The following SCD5 variants were observed in gnomAD, a reference collection of about 807,000 sequenced individuals.
The protein encoded by SCD5 is acyl-CoA-desaturase 4.
SCD5 carries 20 observed loss-of-function variants against 30.4 expected under a neutral mutation model. The observed-to-expected ratio is 0.66, with a 90% CI of 0.46 to 0.96. SCD5 has a LOEUF of 0.96. Ranked by LOEUF, SCD5 falls within the 40% of genes least tolerant of loss-of-function variation. The pLI, the probability that SCD5 is intolerant of heterozygous loss-of-function variation, is 0.00. For synonymous variants in SCD5, 173 were observed against 176.4 expected (o/e 0.98, Z 0.16); for missense variants, 381 against 443.3 (o/e 0.86, Z 1.26).
At chr4:82,702,072 T>C (rs1428235969) in intron 2 of SCD5, among the ~76,000 whole-genome samples, 2 of 148,762 alleles carry the variant, frequency 1.3e-5, no homozygotes, top group Admixed American at 6.8e-5. Flanking sequence ...AGCGTTCAGG[T>C]TCAGAGGGGA....
At chr4:82,713,900 C>T (rs573841005) in intron 1 of SCD5, among the ~76,000 whole-genome samples, 1 of 152,310 alleles carries the variant, frequency 6.6e-6, no homozygotes, top group South Asian at 2.1e-4. Context: ...CTTCTGATTT[C>T]AGTAAGAATA....
rs190404984 is a variant in SCD5, at chr4:82,778,096, C to T, written c.232+20210G>A. Among the ~76,000 whole-genome samples the T allele has an allele frequency of 3.9e-3, 601 of 152,172 alleles. 7 individuals are homozygous for T. Among genetic ancestry groups the T allele is most frequent in the African/African-American group, 0.014 (571 of 41,510 alleles). ...CATGGATGAAGCTGGAAGTTATTAC[C>T]CTCAGCAGACTAACACAGGAACAGA... On this transcript the variant is annotated intron_variant, in intron 1 of 4. Transcript: ENST00000319540.
chr4:82,781,142 T>A (rs1721862112), intron 1 of SCD5, among the ~76,000 whole-genome samples: 1 of 151,980 alleles, frequency 6.6e-6, no homozygotes, highest in South Asian at 2.1e-4. Context: ...GGGCCGGGCG[T>A]GGTGGCTCAT....
chr4:82,768,249 T>A (rs1721535996), intron 1 of SCD5, among the ~76,000 whole-genome samples: 1 of 152,218 alleles, frequency 6.6e-6, no homozygotes, highest in Non-Finnish European at 1.5e-5. Flanking sequence ...AAGGGACATT[T>A]GCTGGCTTAT....
At chr4:82,786,412 G>C (rs114836675) in intron 1 of SCD5, among the ~76,000 whole-genome samples, 9 of 152,254 alleles carry the variant, frequency 5.9e-5, no homozygotes, top group Non-Finnish European at 8.8e-5. Flanking sequence ...TAGTGATATA[G>C]GAAGAAAATA....
chr4:82,788,014 G>C (rs963782031), intron 1 of SCD5, among the ~76,000 whole-genome samples: 1 of 152,122 alleles, frequency 6.6e-6, no homozygotes, highest in African/African-American at 2.4e-5. Flanking sequence ...TCCAGCCTAG[G>C]AGACAGAACA....
intron 3 of SCD5, among the ~76,000 whole-genome samples, chr4:82,669,071 A>G (rs532278699): frequency 6.6e-6 from 1 of 152,264 alleles, no homozygotes; most frequent in African/African-American, 2.4e-5. Flanking sequence ...CCTACATAAA[A>G]CCATGATCAA....
At chr4:82,742,616 G>A (rs60935409) in intron 1 of SCD5, among the ~76,000 whole-genome samples, 13,171 of 152,102 alleles carry the variant, frequency 0.087, 947 homozygotes, top group African/African-American at 0.19. Flanking sequence ...GCAAAACTCC[G>A]TTTCTACTAA....
chr4:82,789,476 C>T (rs764735328), intron 1 of SCD5, among the ~76,000 whole-genome samples: 1 of 152,140 alleles, frequency 6.6e-6, no homozygotes, highest in East Asian at 1.9e-4. Context: ...TCCGTGGGGT[C>T]GGTGAGGTCT....
intron 1 of SCD5, among the ~76,000 whole-genome samples, chr4:82,735,222 T>C (rs1028061252): frequency 5.3e-5 from 8 of 152,202 alleles, no homozygotes; most frequent in Non-Finnish European, 8.8e-5. Context: ...TCCCCATGTC[T>C]GTATGGGTTT....
intron 3 of SCD5, among the ~76,000 whole-genome samples, chr4:82,678,584 T>C (rs1227023817): frequency 6.6e-6 from 1 of 152,190 alleles, no homozygotes; most frequent in Non-Finnish European, 1.5e-5. Context: ...ATGACATACA[T>C]AGCTGACCAC....
intron 1 of SCD5, among the ~76,000 whole-genome samples, chr4:82,790,160 T>A (rs1048135799): frequency 6.6e-6 from 1 of 152,088 alleles, no homozygotes; most frequent in Non-Finnish European, 1.5e-5. Context: ...CCTGAATAAC[T>A]TCACACATCC....
Position 82,631,523 on chromosome 4 carries a change from A to C in SCD5, c.803-6T>G, listed in dbSNP as rs1351551194. ...GTAATTATGGAAGCCTTCACCTGGA[A>C]GACAAAGCGGGCATTGATATAATTC... On this transcript the variant is annotated splice_polypyrimidine_tract_variant and splice_region_variant and intron_variant, in intron 4 of 4. Coordinates refer to ENST00000319540, the MANE Select transcript of SCD5 (RefSeq NM_001037582.3). 1 of 1,613,380 alleles carries C rather than the reference A, an allele frequency of 6.2e-7. No homozygotes were observed. Among genetic ancestry groups the C allele is most frequent in the Non-Finnish European group, 8.5e-7 (1 of 1,179,402 alleles).
At chr4:82,633,557 A>G (rs1282746571) in intron 4 of SCD5, among the ~76,000 whole-genome samples, 3 of 152,188 alleles carry the variant, frequency 2.0e-5, no homozygotes, top group Non-Finnish European at 4.4e-5. Flanking sequence ...AGCAACCTCC[A>G]TACTGTTTTC....
intron 4 of SCD5, 97 bp downstream of exon 4, chr4:82,636,494 C>CT: frequency 4.5e-6 from 4 of 885,930 alleles, no homozygotes; most frequent in Non-Finnish European, 7.1e-6. Flanking sequence ...CTCCATTCCA[C>CT]TCCACTGCTT....
intron 1 of SCD5, among the ~76,000 whole-genome samples, chr4:82,774,658 A>C (rs1721706031): frequency 6.6e-6 from 1 of 152,142 alleles, no homozygotes; most frequent in Non-Finnish European, 1.5e-5. Flanking sequence ...GAGAAAAGTG[A>C]CCTTCCCTCT....
In SCD5 at chr4:82,670,859, A is replaced by T. The variant is rs1167307613; in HGVS notation, c.569+9848T>A. 2.6e-5 allele frequency among the ~76,000 whole-genome samples: 4 copies of T among 152,052 alleles called. No homozygotes were observed. The East Asian group carries it at 7.7e-4, about 29-fold the overall frequency. ...ATATCAATTGATATGGCAAATATCAATTGGATGGAAATATCAATTTATTTC... is the reference window on the plus strand; with the variant it reads ...ATATCAATTGATATGGCAAATATCATTTGGATGGAAATATCAATTTATTTC... On this transcript the variant is annotated intron_variant, in intron 3 of 4. Transcript: ENST00000319540.
chr4:82,733,865 C>T (rs1470157511), intron 1 of SCD5, among the ~76,000 whole-genome samples: 4 of 152,140 alleles, frequency 2.6e-5, no homozygotes, highest in Non-Finnish European at 5.9e-5. Context: ...CCGATGTAAG[C>T]AGAAATCTAT....
At chr4:82,670,633 TA>T in intron 3 of SCD5, among the ~76,000 whole-genome samples, 3 of 151,778 alleles carry the variant, frequency 2.0e-5, no homozygotes, top group Non-Finnish European at 2.9e-5. Flanking sequence ...TGATATGGAA[TA>T]TCAATTCCAT....
Sources: allele counts gnomAD v4.1 joint callset (sites outside exome capture counted in the v4.1 genomes callset), GRCh38; gene constraint gnomAD v4.1.1; transcripts MANE v1.5; gene names NCBI Gene and HGNC (gene_info 2026-07-23, HGNC 2026-07-21).